BRIP1: variants seen among roughly 807,000 people sequenced by gnomAD.
BRIP1 encodes the protein BRCA1 interacting DNA helicase 1, also known as Fanconi anemia group J protein.
A neutral mutation model predicts 119.7 loss-of-function variants in BRIP1; 88 were observed. The observed-to-expected ratio is 0.74, with a 90% CI of 0.62 to 0.88. The LOEUF (loss-of-function observed/expected upper bound fraction) is 0.88, where lower values mean the gene tolerates loss of function less well. BRIP1 is among the 40% of genes least tolerant of loss of function. The pLI is 0.00. For synonymous variants in BRIP1, 443 were observed against 496.5 expected, an observed-to-expected ratio of 0.89 and a Z score of 1.43; for missense variants, 1,259 against 1,455.4, an observed-to-expected ratio of 0.87 and a Z score of 2.20.
At position 61,708,777 on chromosome 17, in the gene BRIP1, T is replaced by C. The variant is rs755480485; in HGVS notation, c.2492+7174A>G. Among the ~76,000 whole-genome samples the C allele has an allele frequency of 9.9e-5, 15 of 152,150 alleles. No homozygotes were observed. The highest frequency in any genetic ancestry group is 2.2e-4 in the Non-Finnish European group (15 of 68,028). ...AGCTTATAGGCTGGGAAGTTTGCTA[T>C]AGGGTAATTTGGCAGGAACTGGGCC... is the stretch of plus-strand genomic sequence containing the variant. On this transcript the variant is annotated intron_variant, in intron 17 of 19. Transcript: ENST00000259008. This position sits in a 1 kb window ranked among gnomAD's most constrained non-coding sequence, Gnocchi z 4.4.
In BRIP1 at chr17:61,769,796, C is replaced by T. The variant is rs906751689; in HGVS notation, c.2097+6605G>A. Among the ~76,000 whole-genome samples, 2 of 152,110 alleles carry T rather than the reference C, an allele frequency of 1.3e-5. No individual in the cohort carries two copies. Among genetic ancestry groups the T allele is most frequent in the Admixed American group, 6.6e-5 (1 of 15,258 alleles). ...AATCAAGATATGCTTACTGGGACAG[C>T]GGCCACTAAAACATAAATTGACAGA... On this transcript the variant is annotated intron_variant, in intron 14 of 19. Transcript: ENST00000259008. The surrounding 1 kb of genome is among the most constrained non-coding windows in gnomAD (Gnocchi z 4.9).
rs1024472057 is a variant in BRIP1 at position 61,729,782 on chromosome 17, C to T, written c.2379+13231G>A. Among the ~76,000 whole-genome samples, 9 of 151,992 alleles carry T rather than the reference C, an allele frequency of 5.9e-5. No homozygotes were observed. Among genetic ancestry groups the T allele is most frequent in the African/African-American group, 1.5e-4 (6 of 41,366 alleles). On this transcript the variant is annotated intron_variant, in intron 16 of 19. Coordinates refer to ENST00000259008, the MANE Select transcript of BRIP1 (RefSeq NM_032043.3). This position sits in a 1 kb window ranked among gnomAD's most constrained non-coding sequence, Gnocchi z 5.6. The stretch of plus-strand genomic sequence containing the variant: ...ACTATGTAAAACAGTGGTGCTCAAC[C>T]GAGAGCAATTTTGCCAACCAGAAGA...
intron 6 of BRIP1, among the ~76,000 whole-genome samples, chr17:61,840,097 G>A (rs573615517): frequency 2.0e-5 from 3 of 152,178 alleles, no homozygotes; most frequent in South Asian, 2.1e-4. Context: ...CGTGGCTCAC[G>A]CCTGTAATCC....
At chr17:61,850,158 A>G (rs931566067) in intron 4 of BRIP1, among the ~76,000 whole-genome samples, 2 of 148,818 alleles carry the variant, frequency 1.3e-5, no homozygotes, top group Non-Finnish European at 3.0e-5. Flanking sequence ...GCTGAAGTGC[A>G]ATGGTGTGAT....
chr17:61,808,429 G>A lies in BRIP1; in HGVS notation c.918+38C>T, dbSNP rs2145409269. 6.4e-7 allele frequency: 1 copy of A among 1,557,376 alleles called. No homozygotes were observed. Among genetic ancestry groups the A allele is most frequent in the Non-Finnish European group, 8.9e-7 (1 of 1,129,384 alleles). Reference sequence around the variant, plus strand: ...ATACTGAGTAATTTAAATATTTTCAGCCTTATTTTTTCTCTAACACAAAAT... The same window carrying A: ...ATACTGAGTAATTTAAATATTTTCAACCTTATTTTTTCTCTAACACAAAAT... On this transcript the variant is annotated intron_variant, in intron 7 of 19. Transcript: ENST00000259008. The surrounding 1 kb of genome is among the most constrained non-coding windows in gnomAD (Gnocchi z 4.1).
Position 61,808,710 on chromosome 17 carries a change from G to A in BRIP1, c.675C>T (p.Asn225=), listed in dbSNP as rs2145421606. 1 of 1,613,766 alleles carries A rather than the reference G, an allele frequency of 6.2e-7. No individual in the cohort carries two copies. The highest frequency in any genetic ancestry group is 1.1e-5 in the South Asian group (1 of 91,078). The change falls in exon 7 of 20, where the codon AAC becomes AAT. Residue 225 remains asparagine (N), a synonymous_variant. Transcript: ENST00000259008. The surrounding 1 kb of genome is among the most constrained non-coding windows in gnomAD (Gnocchi z 4.1). ...SRCCCSTKQG[N]SQESSNTIKK... ...TAATGGTATTCGATGACTCTTGACTGTTTCCTTGTTTAGTAGAACAACAGC... is the reference window on the plus strand; with the variant it reads ...TAATGGTATTCGATGACTCTTGACTATTTCCTTGTTTAGTAGAACAACAGC...
Position 61,679,726 on chromosome 17 carries a change from A to T in BRIP1, c.*3570T>A, listed in dbSNP as rs2061250800. Among the ~76,000 whole-genome samples the T allele has an allele frequency of 6.6e-6, 1 of 152,214 alleles. No individual in the cohort carries two copies. Among genetic ancestry groups the T allele is most frequent in the African/African-American group, 2.4e-5 (1 of 41,458 alleles). ...TTCATCTACTAATTAATAATGAATAACTTGCAATGTGCCAGGTGCTCTTTT... is the reference window on the plus strand; with the variant it reads ...TTCATCTACTAATTAATAATGAATATCTTGCAATGTGCCAGGTGCTCTTTT... On this transcript the variant is annotated 3_prime_UTR_variant, in exon 20 of 20. Coordinates refer to ENST00000259008, the MANE Select transcript of BRIP1 (RefSeq NM_032043.3). This position sits in a 1 kb window ranked among gnomAD's most constrained non-coding sequence, Gnocchi z 4.4.
chr17:61,806,125 G>A lies in BRIP1; in HGVS notation c.918+2342C>T, dbSNP rs1271577439. On this transcript the variant is annotated intron_variant, in intron 7 of 19. Transcript: ENST00000259008. This position sits in a 1 kb window ranked among gnomAD's most constrained non-coding sequence, Gnocchi z 4.9. ...GCAGTTAGAATGACACCCCTCTGCA[G>A]GCTGACAGCAAAACCAGAAAAGCTC... Among the ~76,000 whole-genome samples the A allele has an allele frequency of 6.6e-6, 1 of 152,190 alleles. No homozygotes were observed.
At chr17:61,723,578 G>GT (rs952082751) in intron 16 of BRIP1, among the ~76,000 whole-genome samples, 1 of 152,178 alleles carries the variant, frequency 6.6e-6, no homozygotes, top group African/African-American at 2.4e-5. Flanking sequence ...AACTGTGAAT[G>GT]TTTTTTCTAA....
At position 61,744,327 on chromosome 17, in the gene BRIP1, T is replaced by C. The variant is rs1393846961; in HGVS notation, c.2257+105A>G. On this transcript the variant is annotated intron_variant, in intron 15 of 19. Transcript: ENST00000259008. This position sits in a 1 kb window ranked among gnomAD's most constrained non-coding sequence, Gnocchi z 5.0. ...TTTCTTTTCACTCAGGATTATAATTTTTCTCTTAAGTGTAATTCATCTAAA... is the reference window on the plus strand; with the variant it reads ...TTTCTTTTCACTCAGGATTATAATTCTTCTCTTAAGTGTAATTCATCTAAA... The C allele has an allele frequency of 3.2e-6, 4 of 1,253,724 alleles. No homozygotes were observed. Among genetic ancestry groups the C allele is most frequent in the African/African-American group, 1.5e-5 (1 of 64,940 alleles). The allele number at this position is 1,253,724 out of a possible 1,614,324, so 77.7% of individuals were successfully genotyped here.
At position 61,769,239 on chromosome 17, in the gene BRIP1, C is replaced by A. The variant is rs752019089; in HGVS notation, c.2097+7162G>T. ...AACCCAGATAAGCCATGCCCAGACT[C>A]CTGACCCACAGAAAGAGTAAGATGA... On this transcript the variant is annotated intron_variant, in intron 14 of 19. Coordinates refer to ENST00000259008, the MANE Select transcript of BRIP1 (RefSeq NM_032043.3). The surrounding 1 kb of genome is among the most constrained non-coding windows in gnomAD (Gnocchi z 4.9). 2.0e-5 allele frequency among the ~76,000 whole-genome samples: 3 copies of A among 152,170 alleles called. No individual in the cohort carries two copies. The highest frequency in any genetic ancestry group is 4.4e-5 in the Non-Finnish European group (3 of 68,038).
In BRIP1 at chr17:61,861,277, T is replaced by C. The variant is rs1165437342; in HGVS notation, c.93+170A>G. Among the ~76,000 whole-genome samples the C allele has an allele frequency of 2.6e-5, 4 of 152,194 alleles. No individual in the cohort carries two copies. Among genetic ancestry groups the C allele is most frequent in the Non-Finnish European group, 1.5e-5 (1 of 68,026 alleles). On this transcript the variant is annotated intron_variant, in intron 2 of 19. Coordinates refer to ENST00000259008, the MANE Select transcript of BRIP1 (RefSeq NM_032043.3). This position sits in a 1 kb window ranked among gnomAD's most constrained non-coding sequence, Gnocchi z 4.5. ...CTTCTTTGCCTTAACCACAGATATA[T>C]ACAGTTTAGCTGCAATCAGTAGTTT...
intron 6 of BRIP1, among the ~76,000 whole-genome samples, chr17:61,820,950 A>G (rs1262849750): frequency 8.9e-6 from 1 of 112,898 alleles, no homozygotes; most frequent in Non-Finnish European, 1.7e-5. Flanking sequence ...ACTCTGTCTT[A>G]AAAAAAAAAA....
chr17:61,857,322 T>C lies in BRIP1; in HGVS notation c.206-91A>G, dbSNP rs938659382. 2.2e-5 allele frequency: 27 copies of C among 1,247,128 alleles called. No individual in the cohort carries two copies. Among genetic ancestry groups the C allele is most frequent in the Non-Finnish European group, 2.9e-5 (26 of 911,478 alleles). The allele number at this position is 1,247,128 out of a possible 1,614,324, so 77.3% of individuals were successfully genotyped here. A position where few individuals can be genotyped will look rare whatever the true frequency, so the allele number is the denominator to read the frequency against. ...CCCAGTTCACCCAGGATTGGGAGGTTTCCTAAGATAAAAGATTTTTAGGGC... is the reference window on the plus strand; with the variant it reads ...CCCAGTTCACCCAGGATTGGGAGGTCTCCTAAGATAAAAGATTTTTAGGGC... On this transcript the variant is annotated intron_variant, in intron 3 of 19. Coordinates refer to ENST00000259008, the MANE Select transcript of BRIP1 (RefSeq NM_032043.3). This position sits in a 1 kb window ranked among gnomAD's most constrained non-coding sequence, Gnocchi z 5.1.
At chr17:61,782,388 GAA>G (rs10661242) in intron 11 of BRIP1, among the ~76,000 whole-genome samples, 1 of 113,052 alleles carries the variant, frequency 8.8e-6, no homozygotes. Flanking sequence ...TCCCGTCTCA[GAA>G]AAAAAAAAAA....
At chr17:61,763,144 A>G (rs952193659) in intron 14 of BRIP1, among the ~76,000 whole-genome samples, 4 of 152,126 alleles carry the variant, frequency 2.6e-5, no homozygotes, top group African/African-American at 7.2e-5. Flanking sequence ...AGTACCTCAT[A>G]TAAGTGTAAT....
rs1241088808 is a variant in BRIP1 at position 61,827,111 on chromosome 17, T to C, written c.628-18354A>G. Among the ~76,000 whole-genome samples, 1 of 152,094 alleles carries C rather than the reference T, an allele frequency of 6.6e-6. No homozygotes were observed. Among genetic ancestry groups the C allele is most frequent in the Non-Finnish European group, 1.5e-5 (1 of 68,020 alleles). On this transcript the variant is annotated intron_variant, in intron 6 of 19. Coordinates refer to ENST00000259008, the MANE Select transcript of BRIP1 (RefSeq NM_032043.3). This position sits in a 1 kb window ranked among gnomAD's most constrained non-coding sequence, Gnocchi z 5.8. ...TAGCCATAAAAAAAATGAGACTGTG[T>C]CCTTTACAGAAACTTAGATAGAGCT...
chr17:61,766,594 T>A (rs1344059210), intron 14 of BRIP1, among the ~76,000 whole-genome samples: 1 of 152,116 alleles, frequency 6.6e-6, no homozygotes, highest in Non-Finnish European at 1.5e-5. Context: ...CAAAACAAAC[T>A]AGTAGCACTG....
intron 17 of BRIP1, among the ~76,000 whole-genome samples, chr17:61,696,468 A>G (rs1002386352): frequency 2.6e-5 from 4 of 152,132 alleles, no homozygotes; most frequent in Non-Finnish European, 4.4e-5. Context: ...CTGGCCACAT[A>G]GAATGAGTTG....
Sources: gnomAD v4.1 joint callset for allele counts (sites outside exome capture counted in the v4.1 genomes callset) on GRCh38, gnomAD v4.1.1 for gene constraint, Gnocchi (gnomAD v3.1) non-coding constraint, MANE v1.5 for transcripts, NCBI Gene and HGNC (gene_info 2026-07-23, HGNC 2026-07-21) for gene names.